The following DYNLL1 variants were observed in gnomAD, a reference collection of about 807,000 sequenced individuals.
DYNLL1 encodes dynein light chain 1, cytoplasmic.
DYNLL1 carries 3 observed loss-of-function variants against 10.1 expected under a neutral mutation model. The observed-to-expected ratio is 0.30, with a 90% confidence interval of 0.14 to 0.77. The LOEUF is 0.77. Among genes scored for constraint, DYNLL1 ranks in the 30% least tolerant of loss-of-function variants. The probability of loss-of-function intolerance (pLI) is 0.66; values close to 1 mark genes in which losing one functional copy is unlikely to be tolerated. For missense variants in DYNLL1, 47 were observed against 111.7 expected (o/e 0.42, Z 2.61); for synonymous variants, 46 against 41.2 (o/e 1.12, Z -0.45).
chr12:120,496,641 C>T, intron 2 of DYNLL1, 88 bp downstream of exon 2: 2 of 1,608,210 alleles, frequency 1.2e-6, no homozygotes, highest in Non-Finnish European at 1.7e-6. Context: ...CCTGACAGGT[C>T]CCGGGAATAC....
chr12:120,496,721 C>G, intron 2 of DYNLL1, 168 bp downstream of exon 2: 1 of 1,025,174 alleles, frequency 9.8e-7, no homozygotes, highest in Admixed American at 2.9e-5. Context: ...GTGGAGAAGA[C>G]CAGACCCCCG....
Position 120,476,202 on chromosome 12 carries a change from T to C in DYNLL1, c.-7+6098T>C, listed in dbSNP as rs191024194. 2.4e-3 allele frequency among the ~76,000 whole-genome samples: 358 copies of C among 152,284 alleles called. 2 individuals carry two copies. Among genetic ancestry groups the C allele is most frequent in the Middle Eastern group, 0.017 (5 of 294 alleles). ...AATTTTTTTAGACCCAAGTCAGTTT[T>C]ATACTAAGCAGATTTTTAATGAACT... On this transcript the variant is annotated intron_variant, in intron 1 of 2. Transcript: ENST00000392509.
At chr12:120,480,764 CTTT>C (rs770507117) in intron 1 of DYNLL1, among the ~76,000 whole-genome samples, 2 of 141,394 alleles carry the variant, frequency 1.4e-5, no homozygotes, top group Non-Finnish European at 1.5e-5. Flanking sequence ...AAGCATTTTT[CTTT>C]TTTTTTTTTT....
intron 1 of DYNLL1, among the ~76,000 whole-genome samples, chr12:120,471,612 TTTTG>T (rs1167596593): frequency 1.3e-5 from 2 of 151,848 alleles, no homozygotes; most frequent in South Asian, 4.2e-4. Flanking sequence ...TTGTAGGATT[TTTTG>T]TTTGTTTGTT....
At chr12:120,471,421 A>G (rs1878648683) in intron 1 of DYNLL1, among the ~76,000 whole-genome samples, 1 of 152,138 alleles carries the variant, frequency 6.6e-6, no homozygotes, top group Non-Finnish European at 1.5e-5. Flanking sequence ...GACTAAAACC[A>G]CACATTTAAT....
intron 1 of DYNLL1, 92 bp from the exon 2 acceptor site, chr12:120,496,324 T>G (rs1451733348): frequency 3.9e-6 from 6 of 1,541,724 alleles, no homozygotes; most frequent in Non-Finnish European, 4.4e-6. Flanking sequence ...GTGGGGGGCG[T>G]CGTCCCGTGG....
chr12:120,482,468 G>T (rs757059625), intron 1 of DYNLL1, among the ~76,000 whole-genome samples: 7 of 152,056 alleles, frequency 4.6e-5, no homozygotes, highest in Non-Finnish European at 8.8e-5. Flanking sequence ...GACTACAGGC[G>T]CCTGCCACCG....
chr12:120,486,752 A>G (rs1879002664), intron 1 of DYNLL1, among the ~76,000 whole-genome samples: 1 of 152,064 alleles, frequency 6.6e-6, no homozygotes, highest in African/African-American at 2.4e-5. Context: ...GATTATAGGC[A>G]TGAGACACTG....
chr12:120,484,853 C>A (rs1447348705), intron 1 of DYNLL1, among the ~76,000 whole-genome samples: 1 of 151,866 alleles, frequency 6.6e-6, no homozygotes, highest in Non-Finnish European at 1.5e-5. Flanking sequence ...AAGCGATTCT[C>A]CTGCCTCAGC....
chr12:120,497,127 A>C (rs572680252), intron 2 of DYNLL1: 9 of 168,382 alleles, frequency 5.3e-5, no homozygotes, highest in Non-Finnish European at 7.7e-5. Flanking sequence ...CTTCAGATGG[A>C]ACAGAAATAA....
upstream of DYNLL1, among the ~76,000 whole-genome samples, chr12:120,494,270 T>G (rs907470921): frequency 4.6e-5 from 7 of 151,904 alleles, no homozygotes; most frequent in African/African-American, 1.7e-4. Flanking sequence ...GAAAAGGTTC[T>G]AATTATTGCC....
chr12:120,484,300 T>A (rs1004659199), intron 1 of DYNLL1, among the ~76,000 whole-genome samples: 2 of 122,142 alleles, frequency 1.6e-5, no homozygotes, highest in African/African-American at 6.4e-5. Flanking sequence ...CATGAACAGT[T>A]CATACAGGGT....
intron 1 of DYNLL1, among the ~76,000 whole-genome samples, chr12:120,479,824 C>T (rs150801794): frequency 6.6e-6 from 1 of 152,290 alleles, no homozygotes; most frequent in Non-Finnish European, 1.5e-5. Flanking sequence ...CCACAAGCTA[C>T]TTACAGTGAG....
At chr12:120,480,634 C>T (rs1878860156) in intron 1 of DYNLL1, among the ~76,000 whole-genome samples, 1 of 152,192 alleles carries the variant, frequency 6.6e-6, no homozygotes, top group Non-Finnish European at 1.5e-5. Context: ...GCCTCCTCAG[C>T]CTTCAGGTCC....
At chr12:120,482,488 A>C (rs1027087715) in intron 1 of DYNLL1, among the ~76,000 whole-genome samples, 1 of 151,486 alleles carries the variant, frequency 6.6e-6, no homozygotes, top group Non-Finnish European at 1.5e-5. Flanking sequence ...GTGCCCGGCT[A>C]ATTTTTTGTA....
In DYNLL1 at chr12:120,498,420, C is replaced by T. The variant is rs553181121; in HGVS notation, c.*210C>T. 12 of 492,244 alleles carry T rather than the reference C, an allele frequency of 2.4e-5. No individual in the cohort carries two copies. In the East Asian group the frequency reaches 3.9e-4, roughly 16 times the overall value. 30.5% of individuals were successfully genotyped at this position (492,244 alleles called of 1,614,324 possible). A position where few individuals can be genotyped will look rare whatever the true frequency, so the allele number is the denominator to read the frequency against. The stretch of plus-strand genomic sequence containing the variant: ...AATAGCCTACATTTGTATTTATTTT[C>T]TATTCCATACTTCTGCCCACGTTGT... On this transcript the variant is annotated 3_prime_UTR_variant, in exon 3 of 3. Coordinates refer to ENST00000242577, the MANE Select transcript of DYNLL1 (RefSeq NM_003746.3).
chr12:120,488,828 G>A (rs1172664066), intron 1 of DYNLL1, among the ~76,000 whole-genome samples: 7 of 152,124 alleles, frequency 4.6e-5, no homozygotes. Flanking sequence ...CAGGAGGATT[G>A]CTTGAACCCA....
intron 1 of DYNLL1, among the ~76,000 whole-genome samples, chr12:120,487,447 C>G (rs2058873715): frequency 6.6e-6 from 1 of 151,672 alleles, no homozygotes; most frequent in South Asian, 2.1e-4. Flanking sequence ...CAGGCGCCCA[C>G]CACCACACCC....
At chr12:120,489,510 C>A (rs1397164126) in intron 1 of DYNLL1, among the ~76,000 whole-genome samples, 1 of 152,118 alleles carries the variant, frequency 6.6e-6, no homozygotes, top group Non-Finnish European at 1.5e-5. Flanking sequence ...GCCATCTCTG[C>A]CCTATCTCTG....
Sources: gnomAD v4.1 joint callset for allele counts (sites outside exome capture counted in the v4.1 genomes callset) on GRCh38, gnomAD v4.1.1 for gene constraint, MANE v1.5 for transcripts, NCBI Gene and HGNC (gene_info 2026-07-23, HGNC 2026-07-21) for gene names.